The following CACNA2D3 variants were observed in gnomAD, a reference collection of about 807,000 sequenced individuals.
CACNA2D3 encodes voltage-dependent calcium channel subunit alpha-2/delta-3.
Under a neutral mutation model 160.6 loss-of-function variants are expected in CACNA2D3, and 60 were observed. That is an observed-to-expected ratio of 0.37 (90% CI 0.30 to 0.46). The LOEUF (loss-of-function observed/expected upper bound fraction) is 0.46, where lower values mean the gene tolerates loss of function less well. Ranked by LOEUF, CACNA2D3 falls within the 20% of genes least tolerant of loss-of-function variation. CACNA2D3 has a pLI of 1.00. For synonymous variants in CACNA2D3, 558 were observed against 492.9 expected (o/e 1.13, Z -1.75); for missense variants, 1,205 against 1,365.0 (o/e 0.88, Z 1.85).
At chr3:54,813,680 C>T (rs561376475) in intron 13 of CACNA2D3, among the ~76,000 whole-genome samples, 2 of 152,038 alleles carry the variant, frequency 1.3e-5, no homozygotes, top group Admixed American at 6.5e-5. Context: ...GGACTTCACA[C>T]GTACATATGG....
chr3:54,416,413 AG>A (rs1417498292), intron 4 of CACNA2D3, among the ~76,000 whole-genome samples: 5 of 152,040 alleles, frequency 3.3e-5, no homozygotes, highest in Admixed American at 6.6e-5. Context: ...GCTCTGTGAG[AG>A]TAGGCACCTG....
chr3:54,822,915 C>T (rs1181895410), intron 14 of CACNA2D3, among the ~76,000 whole-genome samples: 18 of 150,488 alleles, frequency 1.2e-4, no homozygotes, highest in Admixed American at 5.3e-4. Context: ...AGTGCAATTG[C>T]GCGATCTCGG....
intron 13 of CACNA2D3, among the ~76,000 whole-genome samples, chr3:54,798,629 G>GAGAATTA (rs1483812738): frequency 6.6e-6 from 1 of 152,182 alleles, no homozygotes. Context: ...CCACGTAATT[G>GAGAATTA]GTAAATAGAG....
At chr3:54,541,880 T>C (rs958744403) in intron 5 of CACNA2D3, among the ~76,000 whole-genome samples, 2 of 151,822 alleles carry the variant, frequency 1.3e-5, no homozygotes, top group Non-Finnish European at 2.9e-5. Flanking sequence ...AATGTTGTGG[T>C]TTTGATTCTT....
chr3:54,721,372 G>A lies in CACNA2D3; in HGVS notation c.1168-31227G>A, dbSNP rs544212426. Among the ~76,000 whole-genome samples the A allele has an allele frequency of 6.6e-5, 10 of 152,288 alleles. No homozygotes were observed. In the South Asian group the frequency reaches 1.0e-3, roughly 16 times the overall value. On this transcript the variant is annotated intron_variant, in intron 11 of 37. Coordinates refer to ENST00000474759, the MANE Select transcript of CACNA2D3 (RefSeq NM_018398.3). ...ATTTCTTTAAATTCTGCTGATAAAT[G>A]TGTCTGAAAATATTTTAATTTTGCT...
In CACNA2D3 at chr3:54,871,519, T is replaced by G. The variant is rs540947059; in HGVS notation, c.1627-20T>G. ...CACGGACTTTTGTTTTTCTTTTCTTTTTCTTCTTCCCCTTGCTAGTACGAA... is the reference window on the plus strand; with the variant it reads ...CACGGACTTTTGTTTTTCTTTTCTTGTTCTTCTTCCCCTTGCTAGTACGAA... On this transcript the variant is annotated intron_variant, in intron 17 of 37. Coordinates refer to ENST00000474759, the MANE Select transcript of CACNA2D3 (RefSeq NM_018398.3). 2 of 1,592,912 alleles carry G rather than the reference T, an allele frequency of 1.3e-6. No homozygotes were observed. Among genetic ancestry groups the G allele is most frequent in the South Asian group, 2.2e-5 (2 of 90,342 alleles).
chr3:54,290,226 GC>G (rs1703153792), intron 2 of CACNA2D3, among the ~76,000 whole-genome samples: 4 of 152,108 alleles, frequency 2.6e-5, no homozygotes, highest in African/African-American at 9.6e-5. Flanking sequence ...AAAACAAACA[GC>G]CCCATCAGAA....
At chr3:55,049,203 A>G (rs1704131619) in intron 35 of CACNA2D3, among the ~76,000 whole-genome samples, 1 of 150,178 alleles carries the variant, frequency 6.7e-6, no homozygotes, top group South Asian at 2.1e-4. Flanking sequence ...TTAGGGTGTC[A>G]ATTTTGGATC....
At chr3:54,902,416 G>T (rs1415317779) in intron 27 of CACNA2D3, among the ~76,000 whole-genome samples, 1 of 152,098 alleles carries the variant, frequency 6.6e-6, no homozygotes, top group African/African-American at 2.4e-5. Context: ...AGTCAGACTG[G>T]GCAAGATTCC....
At chr3:54,780,395 T>C (rs919819324) in intron 13 of CACNA2D3, among the ~76,000 whole-genome samples, 8 of 152,256 alleles carry the variant, frequency 5.3e-5, no homozygotes, top group African/African-American at 1.9e-4. Flanking sequence ...GGGGAAAAGA[T>C]TGATTGCTTA....
rs548668987 is a variant in CACNA2D3 at position 54,197,214 on chromosome 3, C to T, written c.204+73620C>T. On this transcript the variant is annotated intron_variant, in intron 2 of 37. Coordinates refer to ENST00000474759, the MANE Select transcript of CACNA2D3 (RefSeq NM_018398.3). ...AAAAAGCTGTTCTAGTCTCAGTTGT[C>T]GCTGTCTCCTTCCATCAGCTCTTCA... 5.9e-5 allele frequency among the ~76,000 whole-genome samples: 9 copies of T among 152,204 alleles called. No homozygotes were observed. In the South Asian group the frequency reaches 1.7e-3, roughly 28 times the overall value.
chr3:55,061,955 TAGA>T (rs1259194135), intron 35 of CACNA2D3, among the ~76,000 whole-genome samples: 3 of 152,188 alleles, frequency 2.0e-5, no homozygotes, highest in Non-Finnish European at 4.4e-5. Flanking sequence ...GAAACTTCTA[TAGA>T]AGGTCAGACA....
At chr3:54,689,839 C>T (rs1239657044) in intron 11 of CACNA2D3, among the ~76,000 whole-genome samples, 1 of 152,172 alleles carries the variant, frequency 6.6e-6, no homozygotes, top group African/African-American at 2.4e-5. Flanking sequence ...TTCAGCACAA[C>T]AGCCAGAGTG....
chr3:54,909,287 C>G (rs1322338079), intron 27 of CACNA2D3, among the ~76,000 whole-genome samples: 1 of 152,016 alleles, frequency 6.6e-6, no homozygotes. Context: ...AATGCCCTCA[C>G]ATGCTTTGGT....
At chr3:54,618,374 T>TATATATATATACACACACAC in intron 9 of CACNA2D3, among the ~76,000 whole-genome samples, 2 of 54,580 alleles carry the variant, frequency 3.7e-5, no homozygotes, top group Admixed American at 2.2e-4. Flanking sequence ...TATATATATA[T>TATATATATATACACACACAC]GCACACACAC....
chr3:54,721,135 CTATAT>C lies in CACNA2D3; in HGVS notation c.1168-31456_1168-31452del, dbSNP rs1296970801. Reference sequence around the variant, plus strand: ...TTTATTCTCAATTTAATATTAGAGTCTATATTATATTAGCACTTTTCCCACTTATA... The same window carrying C: ...TTTATTCTCAATTTAATATTAGAGTCTATATTAGCACTTTTCCCACTTATA... On this transcript the variant is annotated intron_variant, in intron 11 of 37. Coordinates refer to ENST00000474759, the MANE Select transcript of CACNA2D3 (RefSeq NM_018398.3). Among the ~76,000 whole-genome samples, 204 of 152,222 alleles carry C rather than the reference CTATAT, an allele frequency of 1.3e-3. 1 individual carries two copies. The highest frequency in any genetic ancestry group is 4.6e-3 in the African/African-American group (192 of 41,548).
intron 11 of CACNA2D3, among the ~76,000 whole-genome samples, chr3:54,698,183 T>G (rs1369252442): frequency 2.0e-5 from 3 of 152,170 alleles, no homozygotes; most frequent in Admixed American, 2.0e-4. Context: ...AGTGTGGAAC[T>G]AAAGAACAAC....
At chr3:54,692,196 A>G (rs1436623002) in intron 11 of CACNA2D3, among the ~76,000 whole-genome samples, 1 of 151,626 alleles carries the variant, frequency 6.6e-6, no homozygotes, top group African/African-American at 2.4e-5. Context: ...TTGGTCTCAA[A>G]CTCCTGATCT....
At chr3:54,894,333 C>A (rs1198723164) in intron 25 of CACNA2D3, among the ~76,000 whole-genome samples, 1 of 152,200 alleles carries the variant, frequency 6.6e-6, no homozygotes, top group Non-Finnish European at 1.5e-5. Flanking sequence ...GACACCAGGG[C>A]TAATGGGGAT....
Sources: gnomAD v4.1 joint callset for allele counts (sites outside exome capture counted in the v4.1 genomes callset) on GRCh38, gnomAD v4.1.1 for gene constraint, MANE v1.5 for transcripts, NCBI Gene and HGNC (gene_info 2026-07-23, HGNC 2026-07-21) for gene names.